Variants in DYNC1I1 observed in about 807,000 individuals in gnomAD.
DYNC1I1 encodes dynein cytoplasmic 1 intermediate chain 1.
DYNC1I1 carries 43 observed loss-of-function variants against 86.6 expected under a neutral mutation model. The ratio of observed to expected loss-of-function variants is 0.50; its 90% CI spans 0.39 to 0.64. The LOEUF is 0.64. DYNC1I1 is among the 30% of genes least tolerant of loss of function. The pLI, the probability that DYNC1I1 is intolerant of heterozygous loss-of-function variation, is 0.00. For synonymous variants in DYNC1I1, 262 were observed against 283.7 expected (o/e 0.92, Z 0.77); for missense variants, 604 against 788.8 (o/e 0.77, Z 2.81).
chr7:96,056,005 T>C (rs1179230937), intron 14 of DYNC1I1: 4 of 150,418 alleles, frequency 2.7e-5, no homozygotes, highest in Admixed American at 6.6e-5. Context: ...TCCTTAAGGA[T>C]TAAAAACTTA....
At chr7:95,892,435 C>T (rs1195228461) in intron 6 of DYNC1I1, among the ~76,000 whole-genome samples, 2 of 152,026 alleles carry the variant, frequency 1.3e-5, no homozygotes, top group Admixed American at 6.5e-5. Flanking sequence ...CTCAGCCTCC[C>T]AAGTAGCTGG....
intron 6 of DYNC1I1, among the ~76,000 whole-genome samples, chr7:95,905,390 A>G (rs570093270): frequency 5.9e-5 from 9 of 152,046 alleles, no homozygotes; most frequent in Admixed American, 3.3e-4. Context: ...GGAATACAAA[A>G]CTCGAGTGCT....
At chr7:95,946,995 A>G (rs904645124) in intron 6 of DYNC1I1, among the ~76,000 whole-genome samples, 1 of 152,198 alleles carries the variant, frequency 6.6e-6, no homozygotes, top group African/African-American at 2.4e-5. Context: ...CAAGGAAGAC[A>G]GTTCTGGATT....
chr7:96,080,483 G>A lies in DYNC1I1; in HGVS notation c.1771G>A (p.Gly591Arg), dbSNP rs1294951645. The change falls in exon 16 of 17, where the codon GGA becomes AGA. Residue 591 changes from glycine to arginine, a missense_variant. Transcript: ENST00000447467. ...SEGRIWVYDV[G>R]ELAVPHNDEW... is the part of the protein sequence containing the mutation. The stretch of plus-strand genomic sequence containing the variant: ...AGGCCGTATTTGGGTCTATGACGTT[G>A]GAGAGGTACGTGTGTATTTGTGTTG... 7 of 1,614,040 alleles carry A rather than the reference G, an allele frequency of 4.3e-6. No homozygotes were observed. Among genetic ancestry groups the A allele is most frequent in the Non-Finnish European group, 5.1e-6 (6 of 1,180,044 alleles).
chr7:95,799,984 T>A (rs1000701607), intron 1 of DYNC1I1, among the ~76,000 whole-genome samples: 1 of 150,996 alleles, frequency 6.6e-6, no homozygotes, highest in African/African-American at 2.4e-5. Context: ...AAACAACTTT[T>A]CTTGGGTATT....
At chr7:95,784,527 C>G (rs937721523) in intron 1 of DYNC1I1, among the ~76,000 whole-genome samples, 1 of 152,110 alleles carries the variant, frequency 6.6e-6, no homozygotes, top group Non-Finnish European at 1.5e-5. Context: ...AAAGTGGGGG[C>G]AACTTGAGGT....
chr7:96,020,596 A>G (rs149503224), intron 10 of DYNC1I1, among the ~76,000 whole-genome samples: 77 of 152,266 alleles, frequency 5.1e-4, no homozygotes, highest in African/African-American at 1.8e-3. Flanking sequence ...AAACAGTGTG[A>G]TGGTTTGTCA....
intron 14 of DYNC1I1, among the ~76,000 whole-genome samples, chr7:96,042,653 C>A (rs73232542): frequency 0.15 from 23,159 of 152,124 alleles, 1,958 homozygotes; most frequent in South Asian, 0.29. Flanking sequence ...GTAATAGATT[C>A]ATGAGTTCCT....
chr7:95,905,874 T>C (rs1791163167), intron 6 of DYNC1I1, among the ~76,000 whole-genome samples: 1 of 152,190 alleles, frequency 6.6e-6, no homozygotes, highest in Non-Finnish European at 1.5e-5. Flanking sequence ...CTTTGTAGTC[T>C]TTATAGTCAT....
At chr7:95,863,479 A>T (rs1789943348) in intron 5 of DYNC1I1, among the ~76,000 whole-genome samples, 1 of 150,534 alleles carries the variant, frequency 6.6e-6, no homozygotes, top group South Asian at 2.1e-4. Flanking sequence ...TACAGTTTAA[A>T]TAAGGAAATT....
Position 95,813,351 on chromosome 7 carries a change from C to T in DYNC1I1, c.314+14C>T. 4 of 1,599,572 alleles carry T rather than the reference C, an allele frequency of 2.5e-6. No individual in the cohort carries two copies. Among genetic ancestry groups the T allele is most frequent in the Non-Finnish European group, 3.4e-6 (4 of 1,175,506 alleles). On this transcript the variant is annotated intron_variant, in intron 4 of 16. Coordinates refer to ENST00000447467, the MANE Select transcript of DYNC1I1 (RefSeq NM_001135556.2). Reference sequence around the variant, plus strand: ...GCCATTAACAAGGTAAGAATTGTCCCTTTAAAAGGCCATGATGGGTGTCAA... The same window carrying T: ...GCCATTAACAAGGTAAGAATTGTCCTTTTAAAAGGCCATGATGGGTGTCAA...
chr7:96,094,542 G>A (rs1563003585), intron 16 of DYNC1I1, among the ~76,000 whole-genome samples: 1 of 152,160 alleles, frequency 6.6e-6, no homozygotes, highest in Non-Finnish European at 1.5e-5. Flanking sequence ...TGGCCCTCTT[G>A]TTTGTTAGGA....
chr7:95,849,251 G>C, intron 5 of DYNC1I1, among the ~76,000 whole-genome samples: 1 of 151,954 alleles, frequency 6.6e-6, no homozygotes. Flanking sequence ...GTCTGTTTTT[G>C]CTTTTGCAGC....
chr7:95,879,831 T>G (rs1790405882), intron 6 of DYNC1I1, among the ~76,000 whole-genome samples: 1 of 152,168 alleles, frequency 6.6e-6, no homozygotes, highest in Non-Finnish European at 1.5e-5. Context: ...TTTCTCCTCC[T>G]AATAGAGAGA....
Position 95,946,167 on chromosome 7 carries a change from G to T in DYNC1I1, c.491-31345G>T, listed in dbSNP as rs979247090. 2.0e-5 allele frequency among the ~76,000 whole-genome samples: 3 copies of T among 152,092 alleles called. No homozygotes were observed. The East Asian group carries it at 5.8e-4, about 29-fold the overall frequency. On this transcript the variant is annotated intron_variant, in intron 6 of 16. Transcript: ENST00000447467. ...GGGCCTGTCAGGGGGGCAGGGGGAG[G>T]GAGAGCATCAGGATAAATAGCTAAT...
At chr7:95,852,506 TTTA>T (rs958247645) in intron 5 of DYNC1I1, among the ~76,000 whole-genome samples, 1 of 151,938 alleles carries the variant, frequency 6.6e-6, no homozygotes. Context: ...CTCTAATTTA[TTTA>T]TTATTATTAT....
At chr7:95,867,836 G>A (rs1277551440) in intron 5 of DYNC1I1, among the ~76,000 whole-genome samples, 1 of 152,198 alleles carries the variant, frequency 6.6e-6, no homozygotes, top group Admixed American at 6.5e-5. Context: ...AAGACACTGG[G>A]CTACTAAGCA....
chr7:95,792,198 C>T (rs74442324), intron 1 of DYNC1I1, among the ~76,000 whole-genome samples: 10,577 of 152,220 alleles, frequency 0.069, 509 homozygotes, highest in Non-Finnish European at 0.098. Flanking sequence ...TAGTCATGCA[C>T]TATGGTACAT....
chr7:95,807,862 T>G (rs544985686), intron 2 of DYNC1I1, among the ~76,000 whole-genome samples: 1 of 152,302 alleles, frequency 6.6e-6, no homozygotes, highest in African/African-American at 2.4e-5. Context: ...CTTTTTCTCT[T>G]AAGAGATTGC....
Sources: gnomAD v4.1 joint callset for allele counts (sites outside exome capture counted in the v4.1 genomes callset) on GRCh38, gnomAD v4.1.1 for gene constraint, MANE v1.5 for transcripts, NCBI Gene and HGNC (gene_info 2026-07-23, HGNC 2026-07-21) for gene names.